Variants in PCDH20 observed in about 807,000 individuals in gnomAD.
PCDH20 encodes protocadherin 20.
A neutral mutation model predicts 39.7 loss-of-function variants in PCDH20; 18 were observed. The ratio of observed to expected loss-of-function variants is 0.45; its 90% CI spans 0.31 to 0.67. The LOEUF (loss-of-function observed/expected upper bound fraction) is 0.67, where lower values mean the gene tolerates loss of function less well. PCDH20 is among the 30% of genes least tolerant of loss of function. PCDH20 has a pLI of 0.05. For missense variants in PCDH20, 1,161 were observed against 1,167.4 expected (o/e 0.99, Z 0.08); for synonymous variants, 495 against 455.4 (o/e 1.09, Z -1.11).
chr13:61,412,002 A>G (rs1182491393), exon 2 of PCDH20: 2 of 1,614,022 alleles, frequency 1.2e-6, no homozygotes, highest in African/African-American at 2.7e-5. Flanking sequence ...CTCTGTCCAA[A>G]GAGACTTTAG....
At chr13:61,415,095 A>T in exon 1 of PCDH20, 1 of 1,566,734 alleles carries the variant, frequency 6.4e-7, no homozygotes, top group Non-Finnish European at 8.7e-7. Context: ...CGCGGGTGCC[A>T]GGTCGCCGGG....
chr13:61,411,429 T>G (rs1475204963), exon 2 of PCDH20: 1 of 1,614,022 alleles, frequency 6.2e-7, no homozygotes, highest in Non-Finnish European at 8.5e-7. Context: ...ACAGAGCTAC[T>G]AAGGTGGGCA....
chr13:61,413,854 A>C, exon 2 of PCDH20: 1 of 1,613,196 alleles, frequency 6.2e-7, no homozygotes, highest in Non-Finnish European at 8.5e-7. Flanking sequence ...CAGGCTGCCG[A>C]TGAGCACCCC....
chr13:61,413,759 T>C (rs1461733041), exon 2 of PCDH20: 1 of 1,613,580 alleles, frequency 6.2e-7, no homozygotes, highest in African/African-American at 1.3e-5. Context: ...AGAGGGGGGT[T>C]CCACTCAGCA....
chr13:61,413,112 C>T lies in PCDH20; in HGVS notation c.987G>A (p.Val329=), dbSNP rs141938532. ...GGGTGCCCACTGTAGCATTCCCATA[C>T]ACAGTGACATTGATTTGTGAGTCTG... Residue 329 remains valine (V), a synonymous_variant, in exon 2 of 2, where the codon GTG becomes GTA. Coordinates refer to ENST00000409204, the Ensembl canonical transcript of PCDH20. 2.4e-4 allele frequency: 384 copies of T among 1,614,196 alleles called. 2 individuals carry two copies. The African/African-American group carries it at 4.8e-3, about 20-fold the overall frequency.
exon 2 of PCDH20, chr13:61,412,920 G>A (rs754560351): frequency 6.2e-7 from 1 of 1,614,106 alleles, no homozygotes; most frequent in Non-Finnish European, 8.5e-7. Flanking sequence ...TGAGCTTGTG[G>A]GACTCCAGAA....
chr13:61,413,273 C>G lies in PCDH20; in HGVS notation c.826G>C (p.Gly276Arg), dbSNP rs563313981. ...TCCTGGGTTTCCCTGTCCAAAGCAC[C>G]CATGACAATTAGGTAGGGGGTGCGC... Residue 276 changes from glycine (G) to arginine (R), a missense_variant, in exon 2 of 2, where the codon GGT becomes CGT. This residue lies in a region of PCDH20 where 401 missense variants were observed against 368.7 expected (regional missense o/e 1.09). Coordinates refer to ENST00000409204, the Ensembl canonical transcript of PCDH20. The G allele has an allele frequency of 2.5e-6, 4 of 1,614,052 alleles. No homozygotes were observed. In the East Asian group the frequency reaches 8.9e-5, roughly 36 times the overall value.
At chr13:61,412,763 G>T in exon 2 of PCDH20, 1 of 1,614,082 alleles carries the variant, frequency 6.2e-7, no homozygotes, top group East Asian at 2.2e-5. Flanking sequence ...GTGTTAACGG[G>T]TTCCAGTTCT....
At chr13:61,414,040 CT>C in intron 1 of PCDH20, 74 bp from the exon 2 acceptor site, 1 of 1,339,040 alleles carries the variant, frequency 7.5e-7, no homozygotes, top group Middle Eastern at 2.1e-4. Flanking sequence ...ACTAGCGCCC[CT>C]GTGATCCTTG....
exon 2 of PCDH20, chr13:61,411,446 A>G (rs769408366): frequency 1.9e-6 from 3 of 1,613,972 alleles, no homozygotes; most frequent in Non-Finnish European, 2.5e-6. Context: ...GGCATACAAG[A>G]CACAGATTCT....
chr13:61,411,262 A>G, exon 2 of PCDH20: 3 of 1,612,154 alleles, frequency 1.9e-6, no homozygotes, highest in Non-Finnish European at 2.5e-6. Context: ...AGAAATATCC[A>G]TTGGCTTTCT....
exon 2 of PCDH20, chr13:61,412,495 A>C (rs1243615182): frequency 6.2e-7 from 1 of 1,614,206 alleles, no homozygotes; most frequent in East Asian, 2.2e-5. Flanking sequence ...GGGTTGAAGG[A>C]AAATTGGAGC....
chr13:61,414,042 G>T, intron 1 of PCDH20, 76 bp from the exon 2 acceptor site: 1 of 1,320,014 alleles, frequency 7.6e-7, no homozygotes, highest in Non-Finnish European at 1.0e-6. Context: ...TAGCGCCCCT[G>T]TGATCCTTGC....
chr13:61,411,236 T>C (rs1878238021), exon 2 of PCDH20: 1 of 1,598,808 alleles, frequency 6.3e-7, no homozygotes, highest in Non-Finnish European at 8.5e-7. Context: ...TATTCCACCA[T>C]GAAATATCAA....
rs377215741 is a variant in PCDH20 at position 61,411,675 on chromosome 13, C to G, written c.2424G>C (p.Glu808Asp). Residue 808 changes from glutamate to aspartate, a missense_variant, in exon 2 of 2, where the codon GAG (glutamate) becomes GAC (aspartate). Glu to Asp is a conservative substitution (Grantham distance 45). This residue lies in a region of PCDH20 where 754 missense variants were observed against 777.5 expected (regional missense o/e 0.97). Transcript: ENST00000409204. ...GCCCATAATCTGTCTGCAGCAATGC[C>G]TCTTCCAAAGTAATGTTGCCAGTTT... is the stretch of plus-strand genomic sequence containing the variant. The G allele has an allele frequency of 8.7e-6, 14 of 1,614,014 alleles. No homozygotes were observed. In the African/African-American group the frequency reaches 1.9e-4, roughly 22 times the overall value.
At chr13:61,412,118 T>C in exon 2 of PCDH20, 3 of 1,614,092 alleles carry the variant, frequency 1.9e-6, no homozygotes, top group Non-Finnish European at 2.5e-6. Context: ...GTTACACTAA[T>C]TACTCCAATC....
chr13:61,410,311 T>C (rs1416402022), exon 2 of PCDH20: 1 of 152,106 alleles, frequency 6.6e-6, no homozygotes, highest in Non-Finnish European at 1.5e-5. Context: ...TCTTATGTGA[T>C]GGATGATTTC....
chr13:61,411,458 C>A, exon 2 of PCDH20: 1 of 1,614,088 alleles, frequency 6.2e-7, no homozygotes, highest in Non-Finnish European at 8.5e-7. Context: ...ACAGATTCTA[C>A]CTTCCTATGA....
chr13:61,413,779 T>G, exon 2 of PCDH20: 1 of 1,613,516 alleles, frequency 6.2e-7, no homozygotes, highest in Non-Finnish European at 8.5e-7. Flanking sequence ...ACCGGTGCGC[T>G]CTGGCAGCTG....
Sources: allele counts gnomAD v4.1 joint callset, GRCh38; gene constraint gnomAD v4.1.1; regional missense constraint gnomAD v4.1.1; transcripts MANE v1.5; gene names NCBI Gene and HGNC (gene_info 2026-07-23, HGNC 2026-07-21).